SEMA3C: variants seen among roughly 807,000 people sequenced by gnomAD.
SEMA3C encodes semaphorin-3C.
In SEMA3C, 47 loss-of-function variants were observed where a neutral mutation model predicts 89.4. The observed-to-expected ratio is 0.53, with a 90% CI of 0.42 to 0.67. The LOEUF (loss-of-function observed/expected upper bound fraction) is 0.67, where lower values mean the gene tolerates loss of function less well. SEMA3C is among the 30% of genes least tolerant of loss of function. The pLI, the probability that SEMA3C is intolerant of heterozygous loss-of-function variation, is 0.00. For missense variants in SEMA3C, 839 were observed against 929.1 expected, an observed-to-expected ratio of 0.90 and a Z score of 1.26; for synonymous variants, 310 against 320.2, an observed-to-expected ratio of 0.97 and a Z score of 0.34.
At chr7:80,787,463 C>A (rs1788832434) in intron 12 of SEMA3C, among the ~76,000 whole-genome samples, 1 of 149,130 alleles carries the variant, frequency 6.7e-6, no homozygotes, top group Non-Finnish European at 1.5e-5. Flanking sequence ...CATTCATGGG[C>A]AGGAGGAAGC....
intron 2 of SEMA3C, among the ~76,000 whole-genome samples, chr7:80,871,754 C>T (rs530687260): frequency 1.3e-5 from 2 of 152,188 alleles, no homozygotes; most frequent in African/African-American, 4.8e-5. Flanking sequence ...ATTTATAAAG[C>T]AACAGTTCTC....
At chr7:80,851,153 T>A (rs1200982008) in intron 2 of SEMA3C, among the ~76,000 whole-genome samples, 1 of 152,162 alleles carries the variant, frequency 6.6e-6, no homozygotes, top group Non-Finnish European at 1.5e-5. Context: ...TAATCCAGGA[T>A]AATTCTCCCA....
At chr7:80,763,835 T>C (rs1415867717) in intron 13 of SEMA3C, among the ~76,000 whole-genome samples, 1 of 152,164 alleles carries the variant, frequency 6.6e-6, no homozygotes, top group African/African-American at 2.4e-5. Flanking sequence ...TGATTCTGGT[T>C]AATCTAGTGA....
intron 4 of SEMA3C, among the ~76,000 whole-genome samples, chr7:80,822,893 G>A (rs112335816): frequency 0.023 from 3,572 of 152,234 alleles, 160 homozygotes; most frequent in African/African-American, 0.081. Context: ...GTCCTGCATA[G>A]AGCTTAGTGC....
At chr7:80,877,876 A>G (rs1245122836) in intron 2 of SEMA3C, among the ~76,000 whole-genome samples, 5 of 152,222 alleles carry the variant, frequency 3.3e-5, no homozygotes, top group African/African-American at 1.2e-4. Context: ...ATATGACTGA[A>G]GAAGGCAAAA....
Position 80,834,355 on chromosome 7 carries a change from T to C in SEMA3C, c.104-5610A>G, listed in dbSNP as rs145759460. ...AAATTCATGTATCTACATGAACTTT[T>C]CTTTGTAATAGAAACCACTGTGAAG... is the stretch of plus-strand genomic sequence containing the variant. On this transcript the variant is annotated intron_variant, in intron 2 of 17. Transcript: ENST00000265361. Among the ~76,000 whole-genome samples, 910 of 152,274 alleles carry C rather than the reference T, an allele frequency of 6.0e-3. 7 individuals are homozygous for C. Among genetic ancestry groups the C allele is most frequent in the African/African-American group, 0.021 (854 of 41,548 alleles).
intron 2 of SEMA3C, among the ~76,000 whole-genome samples, chr7:80,869,641 G>C (rs993535113): frequency 6.6e-6 from 1 of 152,132 alleles, no homozygotes; most frequent in Admixed American, 6.5e-5. Flanking sequence ...ACCTAAAATA[G>C]CTTTTTGATT....
intron 12 of SEMA3C, among the ~76,000 whole-genome samples, chr7:80,768,289 G>A (rs543633002): frequency 3.3e-5 from 5 of 152,122 alleles, no homozygotes; most frequent in South Asian, 4.1e-4. Context: ...CGAGGTGGGC[G>A]GATCACGAGG....
At chr7:80,867,989 T>C (rs560291699) in intron 2 of SEMA3C, among the ~76,000 whole-genome samples, 2 of 152,328 alleles carry the variant, frequency 1.3e-5, no homozygotes, top group East Asian at 3.9e-4. Flanking sequence ...CTGCTAGATT[T>C]TCTAATTTTT....
At chr7:80,821,289 A>T (rs564034054) in intron 4 of SEMA3C, among the ~76,000 whole-genome samples, 9 of 152,300 alleles carry the variant, frequency 5.9e-5, no homozygotes, top group South Asian at 4.1e-4. Flanking sequence ...TGAGTTTTTT[A>T]AAAAAATAAC....
intron 14 of SEMA3C, among the ~76,000 whole-genome samples, chr7:80,760,977 G>A (rs2117052019): frequency 6.6e-6 from 1 of 152,238 alleles, no homozygotes; most frequent in South Asian, 2.1e-4. Flanking sequence ...GTTTGCTCAT[G>A]TATATATTGG....
chr7:80,828,448 A>C, intron 3 of SEMA3C, 137 bp downstream of exon 3: 1 of 663,530 alleles, frequency 1.5e-6, no homozygotes, highest in South Asian at 2.8e-5. Context: ...TGAAATAAGT[A>C]CTAACTTTCA....
intron 5 of SEMA3C, among the ~76,000 whole-genome samples, chr7:80,811,417 G>T (rs1020161995): frequency 2.0e-5 from 3 of 152,082 alleles, no homozygotes; most frequent in African/African-American, 7.2e-5. Flanking sequence ...CAGGAAAAGG[G>T]AAGAGAGAAG....
In SEMA3C at chr7:80,812,929, G is replaced by A. The variant is rs1730355104; in HGVS notation, c.448-2228C>T. Among the ~76,000 whole-genome samples the A allele has an allele frequency of 7.3e-5, 11 of 151,152 alleles. 2 individuals are homozygous for A. In the South Asian group the frequency reaches 2.1e-3, roughly 29 times the overall value. On this transcript the variant is annotated intron_variant, in intron 5 of 17. Coordinates refer to ENST00000265361, the MANE Select transcript of SEMA3C (RefSeq NM_006379.5). ...AGGCTCTGGAGTGGCTAGGACTACA[G>A]GGAAGCACCACCACGCCTGGCTATT...
chr7:80,757,285 A>G (rs1788087162), intron 15 of SEMA3C, among the ~76,000 whole-genome samples: 1 of 152,244 alleles, frequency 6.6e-6, no homozygotes, highest in African/African-American at 2.4e-5. Flanking sequence ...ATCATGACCT[A>G]TGTCACTGTA....
intron 12 of SEMA3C, among the ~76,000 whole-genome samples, chr7:80,765,554 A>G (rs921858603): frequency 1.1e-4 from 16 of 149,458 alleles, no homozygotes; most frequent in Non-Finnish European, 1.5e-5. Context: ...AATACAATAC[A>G]TAAGTTTTTT....
At chr7:80,892,448 ATTAAG>A (rs1164703259) in intron 2 of SEMA3C, among the ~76,000 whole-genome samples, 7 of 152,062 alleles carry the variant, frequency 4.6e-5, no homozygotes, top group African/African-American at 1.7e-4. Context: ...AAGACCTGTG[ATTAAG>A]TTGTGTGTAT....
At chr7:80,771,284 T>A (rs553290814) in intron 12 of SEMA3C, among the ~76,000 whole-genome samples, 3 of 152,322 alleles carry the variant, frequency 2.0e-5, no homozygotes, top group South Asian at 2.1e-4. Flanking sequence ...GAGGTACAGA[T>A]AATAGAGATA....
At chr7:80,748,148 C>T (rs1011524364) in intron 17 of SEMA3C, among the ~76,000 whole-genome samples, 1 of 152,134 alleles carries the variant, frequency 6.6e-6, no homozygotes, top group Non-Finnish European at 1.5e-5. Flanking sequence ...ACATTTTAGA[C>T]TTCCCTAAGG....
Sources: gnomAD v4.1 joint callset for allele counts (sites outside exome capture counted in the v4.1 genomes callset) on GRCh38, gnomAD v4.1.1 for gene constraint, MANE v1.5 for transcripts, NCBI Gene and HGNC (gene_info 2026-07-23, HGNC 2026-07-21) for gene names.